Variants in TOE1 observed in about 807,000 individuals in gnomAD.
TOE1 encodes target of EGR1 protein 1.
In TOE1, 50 loss-of-function variants were observed where a neutral mutation model predicts 49.2. That is an observed-to-expected ratio of 1.02 (90% CI 0.81 to 1.29). The LOEUF (loss-of-function observed/expected upper bound fraction) is 1.29, where lower values mean the gene tolerates loss of function less well. TOE1 is among the 50% of genes most tolerant of loss of function. TOE1 has a pLI of 0.00. For missense variants in TOE1, 544 were observed against 654.4 expected, an observed-to-expected ratio of 0.83 and a Z score of 1.84; for synonymous variants, 221 against 247.0, an observed-to-expected ratio of 0.89 and a Z score of 0.99.
In TOE1 at chr1:45,343,720, T is replaced by G. The variant is rs762501056; in HGVS notation, c.*18T>G. 3.1e-6 allele frequency: 5 copies of G among 1,597,878 alleles called. No individual in the cohort carries two copies. In the South Asian group the frequency reaches 5.6e-5, roughly 18 times the overall value. ...GTAGCTGATGCAACTTCCACCTTGC[T>G]CTCAGGTGGAACAGAGGTATTTTGG... On this transcript the variant is annotated 3_prime_UTR_variant, in exon 8 of 8. Transcript: ENST00000372090. This position sits in a 1 kb window ranked among gnomAD's most constrained non-coding sequence, Gnocchi z 4.3.
At position 45,343,161 on chromosome 1, in the gene TOE1, C is replaced by T. The variant is rs375841165; in HGVS notation, c.992C>T (p.Ala331Val). 2.9e-5 allele frequency: 46 copies of T among 1,613,600 alleles called. No homozygotes were observed. In the Middle Eastern group the frequency reaches 4.9e-4, roughly 17 times the overall value. ...IDLIIDTDEA[A>V]AEDKRRRRRR... ...CTTATCATTGACACTGATGAGGCTG[C>T]GGCAGAGGACAAGCGGCGACGGCGA... Residue 331 changes from alanine to valine, a missense_variant, in exon 8 of 8, where the codon GCG (alanine) becomes GTG (valine). Physicochemically the swap from Ala to Val is moderately conservative, Grantham distance 64 (BLOSUM62 0). Transcript: ENST00000372090. This position sits in a 1 kb window ranked among gnomAD's most constrained non-coding sequence, Gnocchi z 4.3.
rs372250004 is a variant in TOE1, at chr1:45,343,835, C to T, written c.*133C>T. 4.1e-5 allele frequency: 44 copies of T among 1,074,238 alleles called. No homozygotes were observed. The highest frequency in any genetic ancestry group is 3.9e-4 in the Admixed American group (16 of 40,604). 66.5% of individuals were successfully genotyped at this position (1,074,238 alleles called of 1,614,324 possible). A position where few individuals can be genotyped will look rare whatever the true frequency, so the allele number is the denominator to read the frequency against. ...CAGACATCACTGCATTGCCCTGGAC[C>T]GCCTCCTTTATCCCAGTGTTTGAGG... On this transcript the variant is annotated 3_prime_UTR_variant, in exon 8 of 8. Transcript: ENST00000372090. The surrounding 1 kb of genome is among the most constrained non-coding windows in gnomAD (Gnocchi z 4.3).
In TOE1 at chr1:45,343,085, T is replaced by C. The variant is rs531236536; in HGVS notation, c.916T>C (p.Tyr306His). The change falls in exon 8 of 8, where the codon TAT (tyrosine) becomes CAT (histidine). Residue 306 changes from tyrosine (Y) to histidine (H), a missense_variant. Tyr to His is a moderately conservative substitution (Grantham distance 83). Transcript: ENST00000372090. The surrounding 1 kb of genome is among the most constrained non-coding windows in gnomAD (Gnocchi z 4.3). The part of the protein sequence containing the change: ...PTSICDNFSA[Y>H]GWCPLGPQCP... ...TAAGCCTCTTTCCCACCCCTAGGCT[T>C]ATGGCTGGTGCCCCCTGGGACCACA... The C allele has an allele frequency of 1.3e-5, 21 of 1,613,460 alleles. No homozygotes were observed. The highest frequency in any genetic ancestry group is 1.8e-5 in the Non-Finnish European group (21 of 1,179,704).
In TOE1 at chr1:45,343,030, G is replaced by A; in HGVS notation, c.912+28G>A. On this transcript the variant is annotated intron_variant, in intron 7 of 7. Coordinates refer to ENST00000372090, the MANE Select transcript of TOE1 (RefSeq NM_025077.4). This position sits in a 1 kb window ranked among gnomAD's most constrained non-coding sequence, Gnocchi z 4.3. Reference sequence around the variant, plus strand: ...GAGAGCACCCACCTGTTTCTTGGGAGGGAAGGTTCTGATGCCTGGAGCCTC... The same window carrying A: ...GAGAGCACCCACCTGTTTCTTGGGAAGGAAGGTTCTGATGCCTGGAGCCTC... 6.2e-7 allele frequency: 1 copy of A among 1,613,692 alleles called. No individual in the cohort carries two copies. Among genetic ancestry groups the A allele is most frequent in the Non-Finnish European group, 8.5e-7 (1 of 1,179,822 alleles).
In TOE1 at chr1:45,341,232, A is replaced by T; in HGVS notation, c.195+17A>T. On this transcript the variant is annotated intron_variant, in intron 2 of 7. Transcript: ENST00000372090. ...GTGGACACGGTGAGAGTTGGGAAAC[A>T]AGGAGGGCAGGTGGTTGTGAAGGGG... The T allele has an allele frequency of 6.2e-7, 1 of 1,614,098 alleles. No homozygotes were observed. Among genetic ancestry groups the T allele is most frequent in the Non-Finnish European group, 8.5e-7 (1 of 1,179,954 alleles).
chr1:45,340,343 G>T, intron 1 of TOE1, 39 bp downstream of exon 1: 1 of 1,594,840 alleles, frequency 6.3e-7, no homozygotes, highest in Non-Finnish European at 8.5e-7. Context: ...AAGCCTCTGC[G>T]CTCTGGGAGA....
chr1:45,340,473 A>G, intron 1 of TOE1, 169 bp downstream of exon 1: 2 of 1,469,250 alleles, frequency 1.4e-6, no homozygotes, highest in Non-Finnish European at 1.8e-6. Context: ...TCCGGCTGCA[A>G]AAGCCTGGAG....
rs760190198 is a variant in TOE1, at chr1:45,342,990, T to C, written c.900T>C (p.Cys300=). 1 of 1,613,786 alleles carries C rather than the reference T, an allele frequency of 6.2e-7. No homozygotes were observed. Among genetic ancestry groups the C allele is most frequent in the East Asian group, 2.2e-5 (1 of 44,852 alleles). The change falls in exon 7 of 8, where the codon TGT becomes TGC. Residue 300 remains cysteine, a synonymous_variant. Coordinates refer to ENST00000372090, the MANE Select transcript of TOE1 (RefSeq NM_025077.4). The part of the protein sequence containing the change: ...ATHRPHPTSI[C]DNFSAYGWCP... ...ACCGTCCTCATCCCACCAGCATCTG[T>C]GACAACTTCTCGGTGAGAGCACCCA...
intron 5 of TOE1, 68 bp downstream of exon 5, chr1:45,342,175 T>G: frequency 1.3e-6 from 2 of 1,574,780 alleles, no homozygotes; most frequent in South Asian, 2.3e-5. Context: ...TACCCTAGGC[T>G]GGATGTCTGG....
In TOE1 at chr1:45,343,201, A is replaced by C. The variant is rs766179163; in HGVS notation, c.1032A>C (p.Lys344Asn). 1 of 1,613,800 alleles carries C rather than the reference A, an allele frequency of 6.2e-7. No homozygotes were observed. Among genetic ancestry groups the C allele is most frequent in the Admixed American group, 1.7e-5 (1 of 59,986 alleles). ...GGCGACGGCGACGACGTAGGGAAAA[A>C]CGGAAGAGGGCTTTATTGAACCTAC... Reference protein sequence around the residue: ...DKRRRRRRREKRKRALLNLPG... With the variant: ...DKRRRRRRRENRKRALLNLPG... The change falls in exon 8 of 8, where the codon AAA becomes AAC. Residue 344 changes from lysine (K) to asparagine (N), a missense_variant. By Grantham distance (94) the Lys-to-Asn change is moderately conservative (BLOSUM62 0). Coordinates refer to ENST00000372090, the MANE Select transcript of TOE1 (RefSeq NM_025077.4). The surrounding 1 kb of genome is among the most constrained non-coding windows in gnomAD (Gnocchi z 4.3).
In TOE1 at chr1:45,343,139, A is replaced by G. The variant is rs754501887; in HGVS notation, c.970A>G (p.Ile324Val). 2.5e-6 allele frequency: 4 copies of G among 1,613,788 alleles called. No homozygotes were observed. The highest frequency in any genetic ancestry group is 4.5e-5 in the East Asian group (2 of 44,844). ...QCPQSHDIDL[I>V]IDTDEAAAED... ...TCCTCAGTCTCACGATATTGACCTT[A>G]TCATTGACACTGATGAGGCTGCGGC... is the stretch of plus-strand genomic sequence containing the variant. Residue 324 changes from isoleucine (I) to valine (V), a missense_variant, in exon 8 of 8, where the codon ATC becomes GTC. Coordinates refer to ENST00000372090, the MANE Select transcript of TOE1 (RefSeq NM_025077.4). This position sits in a 1 kb window ranked among gnomAD's most constrained non-coding sequence, Gnocchi z 4.3.
chr1:45,342,291 C>T (rs780185153), intron 5 of TOE1, 93 bp from the exon 6 acceptor site: 40 of 1,543,282 alleles, frequency 2.6e-5, no homozygotes, highest in East Asian at 4.5e-5. Context: ...AGAGAGAGAG[C>T]GTTCCAAGTG....
chr1:45,340,879 G>C (rs1302855598), intron 1 of TOE1, among the ~76,000 whole-genome samples, 194 bp from the exon 2 acceptor site: 2 of 152,178 alleles, frequency 1.3e-5, no homozygotes, highest in Non-Finnish European at 2.9e-5. Context: ...AGAAGACTCA[G>C]GCTTCCTCTC....
In TOE1 at chr1:45,340,247, G is replaced by A. The variant is rs745424307; in HGVS notation, c.-6G>A. 1 of 1,613,838 alleles carries A rather than the reference G, an allele frequency of 6.2e-7. No individual in the cohort carries two copies. The highest frequency in any genetic ancestry group is 1.7e-5 in the Admixed American group (1 of 60,026). On this transcript the variant is annotated 5_prime_UTR_variant, in exon 1 of 8. Coordinates refer to ENST00000372090, the MANE Select transcript of TOE1 (RefSeq NM_025077.4). ...CAGACGACTCAGGCGGGAGACGAGC[G>A]GTGTCATGGCCGCCGACAGTGACGA... is the stretch of plus-strand genomic sequence containing the variant.
Position 45,342,364 on chromosome 1 carries a change from A to G in TOE1, c.493-20A>G. 1 of 1,611,776 alleles carries G rather than the reference A, an allele frequency of 6.2e-7. No individual in the cohort carries two copies. The highest frequency in any genetic ancestry group is 8.5e-7 in the Non-Finnish European group (1 of 1,178,668). On this transcript the variant is annotated intron_variant, in intron 5 of 7. Coordinates refer to ENST00000372090, the MANE Select transcript of TOE1 (RefSeq NM_025077.4). The stretch of plus-strand genomic sequence containing the variant: ...CTGGGGGACTCTGTCCTCCTCATTG[A>G]CCCCTTTACTTTCATCTAGGGTGAT...
intron 5 of TOE1, 119 bp from the exon 6 acceptor site, chr1:45,342,265 C>T: frequency 6.6e-7 from 1 of 1,505,680 alleles, no homozygotes; most frequent in South Asian, 1.3e-5. Context: ...GGAGGGTGGG[C>T]AGCATTGGGT....
At chr1:45,341,883 A>T in intron 4 of TOE1, 66 bp from the exon 5 acceptor site, 1 of 1,544,348 alleles carries the variant, frequency 6.5e-7, no homozygotes, top group Non-Finnish European at 8.9e-7. Flanking sequence ...TATCATTCTT[A>T]AGCTTTTGCA....
chr1:45,341,153 A>C lies in TOE1; in HGVS notation c.133A>C (p.Lys45Gln), dbSNP rs768711721. The C allele has an allele frequency of 2.5e-6, 4 of 1,614,190 alleles. No individual in the cohort carries two copies. In the Admixed American group the frequency reaches 5.0e-5, roughly 20 times the overall value. ...PVVDVQSNNF[K>Q]EMWPSLLLAI... The stretch of plus-strand genomic sequence containing the variant: ...AGTGGATGTGCAAAGCAACAACTTC[A>C]AGGAGATGTGGCCATCCCTCCTGCT... The change falls in exon 2 of 8, where the codon AAG becomes CAG. Residue 45 changes from lysine (K) to glutamine (Q), a missense_variant. Physicochemically the swap from Lys to Gln is moderately conservative, Grantham distance 53. Transcript: ENST00000372090.
chr1:45,340,498 G>A (rs1259978291), intron 1 of TOE1, 194 bp downstream of exon 1: 13 of 1,440,892 alleles, frequency 9.0e-6, no homozygotes, highest in Non-Finnish European at 1.1e-5. Context: ...GGGAGCATGG[G>A]GCTGATGGAG....
Sources: allele counts gnomAD v4.1 joint callset (sites outside exome capture counted in the v4.1 genomes callset), GRCh38; gene constraint gnomAD v4.1.1; non-coding constraint Gnocchi (gnomAD v3.1); transcripts MANE v1.5; gene names NCBI Gene and HGNC (gene_info 2026-07-23, HGNC 2026-07-21).